CCP110: variants seen among roughly 807,000 people sequenced by gnomAD.
CCP110 encodes centriolar coiled-coil protein 110.
A neutral mutation model predicts 105.5 loss-of-function variants in CCP110; 43 were observed. That is an observed-to-expected ratio of 0.41 (90% CI 0.32 to 0.53). The LOEUF (loss-of-function observed/expected upper bound fraction) is 0.53, where lower values mean the gene tolerates loss of function less well. Ranked by LOEUF, CCP110 falls within the 20% of genes least tolerant of loss-of-function variation. CCP110 has a pLI of 0.32. For synonymous variants in CCP110, 353 were observed against 392.1 expected, an observed-to-expected ratio of 0.90 and a Z score of 1.18; for missense variants, 1,016 against 1,189.1, an observed-to-expected ratio of 0.85 and a Z score of 2.14.
At chr16:19,547,417 A>G (rs1481570993) in intron 12 of CCP110, 1 of 152,860 alleles carries the variant, frequency 6.5e-6, no homozygotes, top group Non-Finnish European at 1.5e-5. Context: ...CGTCTCAAAA[A>G]AAAGCTAACT....
In CCP110 at chr16:19,548,633, A is replaced by G. The variant is rs527631159; in HGVS notation, c.2986+33A>G. The G allele has an allele frequency of 6.6e-5, 91 of 1,371,810 alleles. No homozygotes were observed. In the South Asian group the frequency reaches 7.4e-4, roughly 11 times the overall value. 85.0% of individuals were successfully genotyped at this position (1,371,810 alleles called of 1,614,324 possible). ...GAAAATAAATTCCTGAAGCCCATTC[A>G]ATAGAAGGAAGTGCACAAGCTGCCC... On this transcript the variant is annotated intron_variant, in intron 14 of 14. Transcript: ENST00000381396. This position sits in a 1 kb window ranked among gnomAD's most constrained non-coding sequence, Gnocchi z 4.1.
chr16:19,533,157 T>G (rs1022844482), intron 3 of CCP110, among the ~76,000 whole-genome samples: 1 of 152,352 alleles, frequency 6.6e-6, no homozygotes, highest in East Asian at 1.9e-4. Context: ...CTACAACATA[T>G]AGCAGTGTTC....
intron 2 of CCP110, among the ~76,000 whole-genome samples, chr16:19,528,265 T>A (rs1434371474): frequency 6.6e-6 from 1 of 152,246 alleles, no homozygotes; most frequent in African/African-American, 2.4e-5. Context: ...AGAATCAGTT[T>A]ATTTTATTTC....
intron 11 of CCP110, chr16:19,546,121 GC>G: frequency 1.9e-6 from 1 of 521,802 alleles, no homozygotes; most frequent in African/African-American, 1.9e-5. Context: ...ATAACTGATA[GC>G]TGGTTAATCT....
chr16:19,545,692 A>G (rs776329586), intron 10 of CCP110, 125 bp from the exon 11 acceptor site: 2 of 636,284 alleles, frequency 3.1e-6, no homozygotes, highest in Non-Finnish European at 5.6e-6. Flanking sequence ...AAACAAGATG[A>G]TTTAACTAAA....
At chr16:19,551,100 T>C (rs1382800541) in intron 14 of CCP110, 96 bp from the exon 14 acceptor site, 1 of 772,830 alleles carries the variant, frequency 1.3e-6, no homozygotes, top group Non-Finnish European at 2.4e-6. Flanking sequence ...GTATATTGCC[T>C]AGCTCAGTGT....
At chr16:19,545,962 T>A in intron 11 of CCP110, 72 bp downstream of exon 11, 5 of 835,814 alleles carry the variant, frequency 6.0e-6, no homozygotes, top group Middle Eastern at 3.1e-4. Flanking sequence ...TCTATTTGCA[T>A]ATTTAAATTT....
At chr16:19,546,099 C>T (rs905157107) in intron 11 of CCP110, 5 of 548,774 alleles carry the variant, frequency 9.1e-6, no homozygotes, top group Non-Finnish European at 1.3e-5. Flanking sequence ...AATTTGACAA[C>T]ATTCAACTCA....
intron 4 of CCP110, among the ~76,000 whole-genome samples, chr16:19,538,568 C>G (rs927708161): frequency 1.3e-5 from 2 of 151,916 alleles, no homozygotes; most frequent in African/African-American, 4.8e-5. Flanking sequence ...CCTCAGCCTC[C>G]CAAAGTGCTG....
At position 19,542,075 on chromosome 16, in the gene CCP110, A is replaced by T. The variant is rs1326320618; in HGVS notation, c.2227+11A>T. On this transcript the variant is annotated intron_variant, in intron 6 of 14. Transcript: ENST00000381396. ...ATTCAAATAGTTCTGGTAAATATTTAAAAATCCTTTTACATTTGGGAAAGT... is the reference window on the plus strand; with the variant it reads ...ATTCAAATAGTTCTGGTAAATATTTTAAAATCCTTTTACATTTGGGAAAGT... 3 of 1,534,078 alleles carry T rather than the reference A, an allele frequency of 2.0e-6. No individual in the cohort carries two copies. Among genetic ancestry groups the T allele is most frequent in the South Asian group, 1.2e-5 (1 of 80,698 alleles).
intron 12 of CCP110, 103 bp from the exon 13 acceptor site, chr16:19,547,852 G>A (rs1220482343): frequency 3.7e-6 from 3 of 805,790 alleles, no homozygotes; most frequent in Non-Finnish European, 6.6e-6. Flanking sequence ...TTATTGCATA[G>A]TTGACCTTTA....
intron 4 of CCP110, among the ~76,000 whole-genome samples, chr16:19,539,187 T>G (rs1004035912): frequency 1.3e-5 from 2 of 152,080 alleles, no homozygotes; most frequent in African/African-American, 4.8e-5. Flanking sequence ...TTGTATCCAT[T>G]AACAGCAATT....
intron 3 of CCP110, 107 bp from the exon 4 acceptor site, chr16:19,535,833 A>C: frequency 1.3e-6 from 1 of 780,298 alleles, no homozygotes. Flanking sequence ...TATGTTTTGA[A>C]ATGTCAGAAT....
chr16:19,536,289 T>C (rs1970054142), exon 4 of CCP110: 1 of 1,613,390 alleles, frequency 6.2e-7, no homozygotes, highest in South Asian at 1.1e-5. Flanking sequence ...CCCTTCTCAG[T>C]AAATGAACAA....
In CCP110 at chr16:19,545,223, A is replaced by G; in HGVS notation, c.2703+13A>G. Reference sequence around the variant, plus strand: ...GCTCAGGCAAATGGTATGTTATATGATTTCTAATGAATAGAGTTCTTCTGG... The same window carrying G: ...GCTCAGGCAAATGGTATGTTATATGGTTTCTAATGAATAGAGTTCTTCTGG... On this transcript the variant is annotated intron_variant, in intron 10 of 14. Coordinates refer to ENST00000381396, the Ensembl canonical transcript of CCP110. The G allele has an allele frequency of 7.0e-7, 1 of 1,437,942 alleles. No individual in the cohort carries two copies. The highest frequency in any genetic ancestry group is 9.7e-7 in the Non-Finnish European group (1 of 1,027,540). 89.1% of individuals were successfully genotyped at this position (1,437,942 alleles called of 1,614,324 possible).
chr16:19,552,876 T>C (rs778142927), exon 15 of CCP110: 1 of 152,216 alleles, frequency 6.6e-6, no homozygotes, highest in Non-Finnish European at 1.5e-5. Flanking sequence ...AGATGTATCA[T>C]GTATTGAATG....
At chr16:19,532,907 C>T (rs1969924729) in intron 3 of CCP110, among the ~76,000 whole-genome samples, 1 of 152,200 alleles carries the variant, frequency 6.6e-6, no homozygotes, top group Non-Finnish European at 1.5e-5. Flanking sequence ...ACCTTATTCT[C>T]ATTCTTTGCT....
chr16:19,539,586 T>C (rs1000625158), intron 4 of CCP110, among the ~76,000 whole-genome samples: 2 of 151,762 alleles, frequency 1.3e-5, no homozygotes, highest in Admixed American at 6.6e-5. Context: ...ACTCCTAGGC[T>C]CAGGTGATCA....
rs1277899600 is a variant in CCP110, at chr16:19,545,071, A to G, written c.2587-23A>G. On this transcript the variant is annotated intron_variant, in intron 9 of 14. Coordinates refer to ENST00000381396, the Ensembl canonical transcript of CCP110. ...TAACCTCATCTTTTAAATGTATACA[A>G]TATTTTCTTCTCTTGTGCCTAGTTG... 2.9e-6 allele frequency: 4 copies of G among 1,397,472 alleles called. No homozygotes were observed. In the South Asian group the frequency reaches 3.6e-5, roughly 13 times the overall value. The allele number at this position is 1,397,472 out of a possible 1,614,324, so 86.6% of individuals were successfully genotyped here.
Sources: gnomAD v4.1 joint callset for allele counts (sites outside exome capture counted in the v4.1 genomes callset) on GRCh38, gnomAD v4.1.1 for gene constraint, Gnocchi (gnomAD v3.1) non-coding constraint, MANE v1.5 for transcripts, NCBI Gene and HGNC (gene_info 2026-07-23, HGNC 2026-07-21) for gene names.